GPANK1: variants seen among roughly 807,000 people sequenced by gnomAD.
GPANK1 encodes the protein G patch domain and ankyrin repeat-containing protein 1.
In GPANK1, 22 loss-of-function variants were observed where a neutral mutation model predicts 24.0. The ratio of observed to expected loss-of-function variants is 0.92; its 90% CI spans 0.66 to 1.31. The LOEUF is 1.31. Ranked by LOEUF, GPANK1 falls within the 50% of genes most tolerant of loss-of-function variation. The pLI is 0.00. For missense variants in GPANK1, 469 were observed against 453.5 expected (o/e 1.03, Z -0.31); for synonymous variants, 174 against 177.4 (o/e 0.98, Z 0.15).
At position 31,663,882 on chromosome 6, in the gene GPANK1, G is replaced by A; in HGVS notation, c.597C>T (p.Ser199=). 6.3e-7 allele frequency: 1 copy of A among 1,586,760 alleles called. No homozygotes were observed. The highest frequency in any genetic ancestry group is 8.6e-7 in the Non-Finnish European group (1 of 1,166,526). Residue 199 remains serine, a synonymous_variant, in exon 2 of 3, where the codon AGC becomes AGT. Coordinates refer to ENST00000375896, the MANE Select transcript of GPANK1 (RefSeq NM_033177.4). ...TTTCCGGGCTCCTTGTCTCTCCATG[G>A]CTCTCCCTGACCATGCGGGCTACCT... ...FPEVARMVRE[S]HGETRSPENR... is the part of the protein sequence containing the mutation.
upstream of GPANK1, chr6:31,665,599 G>A (rs1274202883): frequency 6.9e-6 from 7 of 1,008,226 alleles, no homozygotes; most frequent in Non-Finnish European, 7.1e-6. Context: ...GCAGGAGCCC[G>A]GAGGAAACAG....
Position 31,662,365 on chromosome 6 carries a change from A to AG in GPANK1, c.971dup (p.Arg325SerfsTer56), listed in dbSNP as rs1391140552. ...CCCTCCAGCTCAGTGTGGCCACCCG[A>AG]GGGGGTCTCTCCCTCCCAGCCACAG... On this transcript the variant is annotated frameshift_variant, in exon 3 of 3. Transcript: ENST00000375896. LOFTEE classifies it high-confidence loss of function. This position sits in a 1 kb window ranked among gnomAD's most constrained non-coding sequence, Gnocchi z 5.5. 3 of 1,612,080 alleles carry AG rather than the reference A, an allele frequency of 1.9e-6. No individual in the cohort carries two copies. Among genetic ancestry groups the AG allele is most frequent in the Non-Finnish European group, 2.5e-6 (3 of 1,179,560 alleles).
At position 31,662,163 on chromosome 6, in the gene GPANK1, G is replaced by A; in HGVS notation, c.*103C>T. On this transcript the variant is annotated 3_prime_UTR_variant, in exon 3 of 3. Coordinates refer to ENST00000375896, the MANE Select transcript of GPANK1 (RefSeq NM_033177.4). The surrounding 1 kb of genome is among the most constrained non-coding windows in gnomAD (Gnocchi z 5.5). ...CAGAGCCTATTGACCAAAAACTTCAGGATCTGCATCTGAGCAGATCCCAGG... is the reference window on the plus strand; with the variant it reads ...CAGAGCCTATTGACCAAAAACTTCAAGATCTGCATCTGAGCAGATCCCAGG... 1 of 671,922 alleles carries A rather than the reference G, an allele frequency of 1.5e-6. No homozygotes were observed. The highest frequency in any genetic ancestry group is 2.5e-6 in the Non-Finnish European group (1 of 403,018). 41.6% of individuals were successfully genotyped at this position (671,922 alleles called of 1,614,324 possible).
chr6:31,661,245 T>TTTAAC lies in GPANK1; in HGVS notation c.*1020_*1021insGTTAA, dbSNP rs144234937. The TTTAAC allele has an allele frequency of 6.6e-5, 10 of 151,634 alleles. No individual in the cohort carries two copies. Among genetic ancestry groups the TTTAAC allele is most frequent in the African/African-American group, 1.7e-4 (7 of 41,198 alleles). The allele number at this position is 151,634 out of a possible 1,614,324, so 9.4% of individuals were successfully genotyped here. ...TAGACAAATGGGTGGAACAAAGAAGTTTAAAGTTTAGATTTGGGGGCTAGA... is the reference window on the plus strand; with the variant it reads ...TAGACAAATGGGTGGAACAAAGAAGTTTAACTTAAAGTTTAGATTTGGGGGCTAGA... On this transcript the variant is annotated 3_prime_UTR_variant, in exon 3 of 3. Coordinates refer to ENST00000375896, the MANE Select transcript of GPANK1 (RefSeq NM_033177.4).
chr6:31,663,504 G>A (rs967741511), intron 2 of GPANK1: 4 of 258,984 alleles, frequency 1.5e-5, no homozygotes, highest in South Asian at 3.0e-4. Flanking sequence ...AGGGACATTA[G>A]TCATAATGAC....
upstream of GPANK1, chr6:31,665,471 C>A (rs866515220): frequency 6.4e-7 from 1 of 1,569,484 alleles, no homozygotes; most frequent in Non-Finnish European, 8.6e-7. Context: ...AAGGGACGAG[C>A]AGAATGGCTG....
At position 31,664,449 on chromosome 6, in the gene GPANK1, G is replaced by A. The variant is rs753394391; in HGVS notation, c.30C>T (p.Thr10=). ...AGAGGTCGCTGGGGTCAGTGGCTGG[G>A]GTGAAGGTGATGAGCAAGGGCCGGG... MSRPLLITF[T]PATDPSDLWK... Residue 10 remains threonine (T), a synonymous_variant, in exon 2 of 3, where the codon ACC becomes ACT. Transcript: ENST00000375896. 8.7e-6 allele frequency: 14 copies of A among 1,613,742 alleles called. No individual in the cohort carries two copies. The South Asian group carries it at 1.3e-4, about 15-fold the overall frequency.
rs1330060851 is a variant in GPANK1, at chr6:31,662,249, G to A, written c.*17C>T. 6.7e-7 allele frequency: 1 copy of A among 1,502,784 alleles called. No homozygotes were observed. The highest frequency in any genetic ancestry group is 1.4e-5 in the African/African-American group (1 of 71,926). 93.1% of individuals were successfully genotyped at this position (1,502,784 alleles called of 1,614,324 possible). On this transcript the variant is annotated 3_prime_UTR_variant, in exon 3 of 3. Transcript: ENST00000375896. This position sits in a 1 kb window ranked among gnomAD's most constrained non-coding sequence, Gnocchi z 5.5. The stretch of plus-strand genomic sequence containing the variant: ...GTTCAGACTTCAGCAGCAGACTAGG[G>A]TCAGACTTTACCAAAGTCAGAACTC...
At position 31,662,486 on chromosome 6, in the gene GPANK1, G is replaced by C. The variant is rs750865482; in HGVS notation, c.851C>G (p.Pro284Arg). The C allele has an allele frequency of 1.2e-6, 2 of 1,611,826 alleles. No individual in the cohort carries two copies. The highest frequency in any genetic ancestry group is 8.5e-7 in the Non-Finnish European group (1 of 1,179,272). ...LGPRGEGRAN[P>R]IPTVLKRDQE... The stretch of plus-strand genomic sequence containing the variant: ...GTCCCTCTTGAGGACAGTGGGGATG[G>C]GATTGGCACGGCCCTCACCCCGGGG... The change falls in exon 3 of 3, where the codon CCC becomes CGC. Residue 284 changes from proline (P) to arginine (R), a missense_variant. Coordinates refer to ENST00000375896, the MANE Select transcript of GPANK1 (RefSeq NM_033177.4). This position sits in a 1 kb window ranked among gnomAD's most constrained non-coding sequence, Gnocchi z 5.5.
upstream of GPANK1, chr6:31,665,624 G>GTC (rs566483442): frequency 5.4e-4 from 554 of 1,021,596 alleles, 4 homozygotes; most frequent in African/African-American, 8.1e-3. Flanking sequence ...CCCGTCAAGG[G>GTC]TCTCTGGCGG....
chr6:31,665,561 A>G, upstream of GPANK1: 1 of 1,226,272 alleles, frequency 8.2e-7, no homozygotes, highest in Non-Finnish European at 1.1e-6. Context: ...CTACGCACGG[A>G]GCCAAGCCGC....
rs886703919 is a variant in GPANK1, at chr6:31,661,873, G to C, written c.*393C>G. 3.9e-5 allele frequency: 8 copies of C among 205,114 alleles called. No homozygotes were observed. Among genetic ancestry groups the C allele is most frequent in the Non-Finnish European group, 6.8e-5 (7 of 103,676 alleles). The allele number at this position is 205,114 out of a possible 1,614,324, so 12.7% of individuals were successfully genotyped here. A position where few individuals can be genotyped will look rare whatever the true frequency, so the allele number is the denominator to read the frequency against. On this transcript the variant is annotated 3_prime_UTR_variant, in exon 3 of 3. Coordinates refer to ENST00000375896, the MANE Select transcript of GPANK1 (RefSeq NM_033177.4). ...ACTCCTCCTGGGGGAAGTGAGACTT[G>C]CACGAAGCTGGGCAATTCTTGGTCC... is the stretch of plus-strand genomic sequence containing the variant.
At position 31,664,000 on chromosome 6, in the gene GPANK1, C is replaced by T. The variant is rs1218882731; in HGVS notation, c.479G>A (p.Ser160Asn). Reference protein sequence around the residue: ...AARAGQGAAVSYLLGRGAAWV... With the variant: ...AARAGQGAAVNYLLGRGAAWV... ...GGCAGCCCCACGGCCCAGGAGATAG[C>T]TCACAGCTGCCCCCTGGCCCGCTCG... Residue 160 changes from serine (S) to asparagine (N), a missense_variant, in exon 2 of 3, where the codon AGC becomes AAC. By Grantham distance (46) the Ser-to-Asn change is conservative. Transcript: ENST00000375896. 2 of 1,614,206 alleles carry T rather than the reference C, an allele frequency of 1.2e-6. No individual in the cohort carries two copies. Among genetic ancestry groups the T allele is most frequent in the Non-Finnish European group, 1.7e-6 (2 of 1,180,020 alleles).
rs1361755131 is a variant in GPANK1 at position 31,662,946 on chromosome 6, GCTTT to G, written c.627-240_627-237del. Among the ~76,000 whole-genome samples the G allele has an allele frequency of 7.2e-6, 1 of 138,146 alleles. No homozygotes were observed. Among genetic ancestry groups the G allele is most frequent in the African/African-American group, 2.9e-5 (1 of 34,356 alleles). 90.6% of individuals were successfully genotyped at this position (138,146 alleles called of 152,430 possible). A position where few individuals can be genotyped will look rare whatever the true frequency, so the allele number is the denominator to read the frequency against. ...CAGCCTGGGCAAAATGGCAACGCCT[GCTTT>G]TTTTTTTTTTTTTTTTGAGATGGAG... On this transcript the variant is annotated intron_variant, in intron 2 of 2. Transcript: ENST00000375896. The surrounding 1 kb of genome is among the most constrained non-coding windows in gnomAD (Gnocchi z 5.5).
chr6:31,666,141 C>T (rs943318306), upstream of GPANK1: 2 of 992,028 alleles, frequency 2.0e-6, no homozygotes, highest in Non-Finnish European at 2.4e-6. Context: ...TGCGCTGTAG[C>T]GGTCGCCGCC....
upstream of GPANK1, chr6:31,665,577 T>A (rs1046210295): frequency 8.1e-5 from 91 of 1,125,804 alleles, no homozygotes; most frequent in African/African-American, 1.5e-3. Flanking sequence ...GCCGCACCTC[T>A]CCCCTCATGA....
chr6:31,664,015 T>C lies in GPANK1; in HGVS notation c.464A>G (p.Gln155Arg), dbSNP rs200856913. 25 of 1,614,186 alleles carry C rather than the reference T, an allele frequency of 1.5e-5. No individual in the cohort carries two copies. The highest frequency in any genetic ancestry group is 1.4e-5 in the Non-Finnish European group (16 of 1,180,034). The part of the protein sequence containing the change: ...TPLMCAARAG[Q>R]GAAVSYLLGR... The stretch of plus-strand genomic sequence containing the variant: ...CAGGAGATAGCTCACAGCTGCCCCC[T>C]GGCCCGCTCGAGCAGCACACATCAG... The change falls in exon 2 of 3, where the codon CAG becomes CGG. Residue 155 changes from glutamine to arginine, a missense_variant. By Grantham distance (43) the Gln-to-Arg change is conservative. Transcript: ENST00000375896.
In GPANK1 at chr6:31,664,018, C is replaced by G; in HGVS notation, c.461G>C (p.Gly154Ala). 6.2e-7 allele frequency: 1 copy of G among 1,614,174 alleles called. No homozygotes were observed. Among genetic ancestry groups the G allele is most frequent in the Middle Eastern group, 1.6e-4 (1 of 6,062 alleles). ...GAGATAGCTCACAGCTGCCCCCTGG[C>G]CCGCTCGAGCAGCACACATCAGTGG... is the stretch of plus-strand genomic sequence containing the variant. The part of the protein sequence containing the change: ...WTPLMCAARA[G>A]QGAAVSYLLG... Residue 154 changes from glycine to alanine, a missense_variant, in exon 2 of 3, where the codon GGC becomes GCC. Physicochemically the swap from Gly to Ala is moderately conservative, Grantham distance 60 (BLOSUM62 0). Coordinates refer to ENST00000375896, the MANE Select transcript of GPANK1 (RefSeq NM_033177.4).
At chr6:31,665,359 G>A (rs975945762), upstream of GPANK1, 41 of 1,251,010 alleles carry the variant, frequency 3.3e-5, 1 homozygote, top group South Asian at 1.5e-4. Context: ...GTGGAATGCC[G>A]AGAAGCCGTG....
Sources: allele counts gnomAD v4.1 joint callset (sites outside exome capture counted in the v4.1 genomes callset), GRCh38; gene constraint gnomAD v4.1.1; non-coding constraint Gnocchi (gnomAD v3.1); transcripts MANE v1.5; gene names NCBI Gene and HGNC (gene_info 2026-07-23, HGNC 2026-07-21).